The following PAIP2 variants were observed in gnomAD, a reference collection of about 807,000 sequenced individuals.
The protein encoded by PAIP2 is polyadenylate-binding protein-interacting protein 2.
A neutral mutation model predicts 14.8 loss-of-function variants in PAIP2; 7 were observed. That is an observed-to-expected ratio of 0.47 (90% CI 0.27 to 0.89). The LOEUF is 0.89. Among genes scored for constraint, PAIP2 ranks in the 40% least tolerant of loss-of-function variants. The pLI, the probability that PAIP2 is intolerant of heterozygous loss-of-function variation, is 0.13. For missense variants in PAIP2, 122 were observed against 154.7 expected (o/e 0.79, Z 1.12); for synonymous variants, 47 against 45.3 (o/e 1.04, Z -0.15).
chr5:139,351,315 TAA>T (rs879691647), intron 1 of PAIP2, among the ~76,000 whole-genome samples: 1 of 139,088 alleles, frequency 7.2e-6, no homozygotes, highest in Non-Finnish European at 1.6e-5. Context: ...TTGTCTCTAC[TAA>T]AAAAAAAAAA....
chr5:139,369,105 G>A lies in PAIP2; in HGVS notation c.*307G>A, dbSNP rs1335767984. 1.4e-5 allele frequency: 3 copies of A among 217,362 alleles called. No homozygotes were observed. The highest frequency in any genetic ancestry group is 2.7e-5 in the Non-Finnish European group (3 of 110,756). The allele number at this position is 217,362 out of a possible 1,614,324, so 13.5% of individuals were successfully genotyped here. On this transcript the variant is annotated 3_prime_UTR_variant, in exon 4 of 4. Transcript: ENST00000265192. ...ACCTTACCAAATTGTCTTTTTTTGAGGCTAATCTATCACTTGTTAATGTCT... is the reference window on the plus strand; with the variant it reads ...ACCTTACCAAATTGTCTTTTTTTGAAGCTAATCTATCACTTGTTAATGTCT...
chr5:139,348,606 C>G (rs999970496), intron 1 of PAIP2, among the ~76,000 whole-genome samples: 2 of 151,990 alleles, frequency 1.3e-5, no homozygotes, highest in African/African-American at 4.8e-5. Flanking sequence ...ATCTGCCCAC[C>G]TCGGCCTCCC....
intron 1 of PAIP2, among the ~76,000 whole-genome samples, chr5:139,358,984 T>TC (rs1025880547): frequency 6.6e-6 from 1 of 152,098 alleles, no homozygotes; most frequent in Admixed American, 6.6e-5. Flanking sequence ...AACAGTAAAT[T>TC]CTTTTTTTGA....
At chr5:139,358,179 G>T (rs1272131462) in intron 1 of PAIP2, among the ~76,000 whole-genome samples, 2 of 152,146 alleles carry the variant, frequency 1.3e-5, no homozygotes, top group African/African-American at 4.8e-5. Context: ...TTGAATTTCA[G>T]CTCCACTGTT....
At chr5:139,364,141 A>G in intron 2 of PAIP2, 1 of 529,170 alleles carries the variant, frequency 1.9e-6, no homozygotes, top group African/African-American at 1.9e-5. Context: ...AGATGTCTGA[A>G]TCAGGAGGAT....
intron 3 of PAIP2, among the ~76,000 whole-genome samples, chr5:139,367,839 T>C (rs970328255): frequency 2.6e-5 from 4 of 152,230 alleles, no homozygotes; most frequent in Non-Finnish European, 4.4e-5. Context: ...CTTTAACTTA[T>C]GTGAAGTTAC....
intron 1 of PAIP2, among the ~76,000 whole-genome samples, chr5:139,362,095 A>T (rs750004725): frequency 6.6e-6 from 1 of 152,216 alleles, no homozygotes; most frequent in South Asian, 2.1e-4. Flanking sequence ...AGAAGTTATT[A>T]AAAATCTGTT....
intron 1 of PAIP2, among the ~76,000 whole-genome samples, chr5:139,352,514 T>TTGTTTTTTTTTTTTA (rs1756776233): frequency 2.7e-5 from 4 of 149,026 alleles, no homozygotes; most frequent in Admixed American, 6.7e-5. Flanking sequence ...TTTTTTTTTT[T>TTGTTTTTTTTTTTTA]GAGATGGAGT....
At chr5:139,363,273 C>T (rs1181145387) in intron 1 of PAIP2, among the ~76,000 whole-genome samples, 1 of 151,932 alleles carries the variant, frequency 6.6e-6, no homozygotes, top group Non-Finnish European at 1.5e-5. Context: ...ATGTTTTAGG[C>T]TGTCCTCTCC....
chr5:139,349,392 G>A (rs1175724151), intron 1 of PAIP2, among the ~76,000 whole-genome samples: 1 of 152,064 alleles, frequency 6.6e-6, no homozygotes, highest in Non-Finnish European at 1.5e-5. Context: ...AGAACTACAA[G>A]CTCACACCAC....
chr5:139,363,857 C>T lies in PAIP2; in HGVS notation c.73C>T (p.His25Tyr). ...NEDVIINGHS[H>Y]EDDNPFAEYM... is the part of the protein sequence containing the mutation. ...AGATGTGATTATTAACGGTCATTCT[C>T]ATGAAGATGACAATCCATTTGCAGA... The change falls in exon 2 of 4, where the codon CAT (histidine) becomes TAT (tyrosine). Residue 25 changes from histidine to tyrosine, a missense_variant. This residue lies in a region of PAIP2 where 42 missense variants were observed against 36.7 expected (regional missense o/e 1.15). Coordinates refer to ENST00000265192, the MANE Select transcript of PAIP2 (RefSeq NM_016480.5). 1 of 1,613,576 alleles carries T rather than the reference C, an allele frequency of 6.2e-7. No homozygotes were observed. The highest frequency in any genetic ancestry group is 8.5e-7 in the Non-Finnish European group (1 of 1,179,474).
At chr5:139,367,446 T>C (rs141928669) in intron 3 of PAIP2, 2 of 152,334 alleles carry the variant, frequency 1.3e-5, no homozygotes, top group African/African-American at 2.4e-5. Flanking sequence ...TACAAGTCTC[T>C]AAGACTCAGA....
At chr5:139,342,565 C>G (rs1756415701) in intron 1 of PAIP2, 1 of 152,216 alleles carries the variant, frequency 6.6e-6, no homozygotes, top group East Asian at 1.9e-4. Context: ...CATCGCTACC[C>G]CTTATTTTTG....
intron 1 of PAIP2, among the ~76,000 whole-genome samples, chr5:139,362,599 G>A (rs973698272): frequency 4.0e-5 from 6 of 151,576 alleles, no homozygotes; most frequent in East Asian, 1.9e-4. Context: ...TAGTAGAGAC[G>A]GGGTTTCACC....
chr5:139,350,841 A>G (rs1355596457), intron 1 of PAIP2, among the ~76,000 whole-genome samples: 1 of 152,164 alleles, frequency 6.6e-6, no homozygotes, highest in Non-Finnish European at 1.5e-5. Flanking sequence ...AGAATAAAGA[A>G]TCTCAGAATA....
At chr5:139,368,179 C>CA (rs1283283357) in intron 3 of PAIP2, among the ~76,000 whole-genome samples, 1 of 151,962 alleles carries the variant, frequency 6.6e-6, no homozygotes, top group African/African-American at 2.4e-5. Context: ...ACTAAAAATA[C>CA]AACAAAAAAT....
chr5:139,361,616 A>G (rs564643447), intron 1 of PAIP2, among the ~76,000 whole-genome samples: 4 of 152,282 alleles, frequency 2.6e-5, no homozygotes, highest in Admixed American at 6.5e-5. Flanking sequence ...AGTATAAGAC[A>G]TCAGGCTTGT....
chr5:139,343,190 A>G (rs1468207507), intron 1 of PAIP2: 1 of 152,220 alleles, frequency 6.6e-6, no homozygotes, highest in Admixed American at 6.6e-5. Flanking sequence ...CAGTTAGTGA[A>G]AGACAGGATA....
chr5:139,357,454 C>T (rs1263009627), intron 1 of PAIP2, among the ~76,000 whole-genome samples: 1 of 152,216 alleles, frequency 6.6e-6, no homozygotes, highest in Non-Finnish European at 1.5e-5. Flanking sequence ...ATGTGTGCTA[C>T]TGCCCCACCT....
Sources: gnomAD v4.1 joint callset for allele counts (sites outside exome capture counted in the v4.1 genomes callset) on GRCh38, gnomAD v4.1.1 for gene constraint, gnomAD v4.1.1 regional missense constraint, MANE v1.5 for transcripts, NCBI Gene and HGNC (gene_info 2026-07-23, HGNC 2026-07-21) for gene names.